ADGRL3: variants seen among roughly 807,000 people sequenced by gnomAD.
The protein encoded by ADGRL3 is calcium-independent alpha-latrotoxin receptor 3.
Under a neutral mutation model 153.5 loss-of-function variants are expected in ADGRL3, and 62 were observed. The ratio of observed to expected loss-of-function variants is 0.40; its 90% CI spans 0.33 to 0.50. The LOEUF is 0.50. Among genes scored for constraint, ADGRL3 ranks in the 20% least tolerant of loss-of-function variants. The pLI is 0.47. For missense variants in ADGRL3, 1,641 were observed against 1,859.4 expected (o/e 0.88, Z 2.16); for synonymous variants, 710 against 672.5 (o/e 1.06, Z -0.86).
rs143046284 is a variant in ADGRL3, at chr4:61,212,904, G to A, written c.-240+11139G>A. Among the ~76,000 whole-genome samples, 10 of 152,084 alleles carry A rather than the reference G, an allele frequency of 6.6e-5. 1 individual carries two copies. Among genetic ancestry groups the A allele is most frequent in the African/African-American group, 1.9e-4 (8 of 41,496 alleles). On this transcript the variant is annotated intron_variant, in intron 1 of 26. Transcript: ENST00000683033. ...TTGCGAGTATTTCTTTTTCTGGTGC[G>A]TTTGATTAAATGTGTGATCTTATCT...
chr4:61,609,641 C>A (rs1258177681), intron 5 of ADGRL3, among the ~76,000 whole-genome samples: 4 of 152,036 alleles, frequency 2.6e-5, no homozygotes, highest in African/African-American at 9.7e-5. Context: ...CCTGAATTTT[C>A]TTTCCTGTAT....
chr4:61,901,794 A>G (rs2098666025), intron 11 of ADGRL3, among the ~76,000 whole-genome samples: 1 of 152,288 alleles, frequency 6.6e-6, no homozygotes, highest in East Asian at 1.9e-4. Context: ...ATTTTTAACT[A>G]AAGCTACTGG....
chr4:61,303,716 G>A (rs1002075152), intron 1 of ADGRL3, among the ~76,000 whole-genome samples: 3 of 152,042 alleles, frequency 2.0e-5, no homozygotes, highest in Non-Finnish European at 2.9e-5. Context: ...TTCCCTCTCA[G>A]GATTTTAAAA....
chr4:61,799,325 A>T (rs1378850679), intron 8 of ADGRL3, among the ~76,000 whole-genome samples: 1 of 152,064 alleles, frequency 6.6e-6, no homozygotes, highest in African/African-American at 2.4e-5. Context: ...AAGACCAGAT[A>T]GTCAATATTT....
chr4:61,509,109 C>T (rs1363180791), intron 3 of ADGRL3, among the ~76,000 whole-genome samples: 1 of 146,586 alleles, frequency 6.8e-6, no homozygotes, highest in African/African-American at 2.5e-5. Flanking sequence ...GCCACAGAGC[C>T]AAACCATATC....
intron 5 of ADGRL3, among the ~76,000 whole-genome samples, chr4:61,609,467 T>C (rs1430269599): frequency 1.3e-5 from 2 of 152,108 alleles, no homozygotes; most frequent in African/African-American, 4.8e-5. Flanking sequence ...TGGCTATTAA[T>C]ATTTAATAGA....
At chr4:61,889,336 G>A (rs2098556816) in intron 9 of ADGRL3, among the ~76,000 whole-genome samples, 1 of 152,192 alleles carries the variant, frequency 6.6e-6, no homozygotes, top group Non-Finnish European at 1.5e-5. Context: ...AGAACAGGGT[G>A]CAGCTGGGGA....
Position 61,517,464 on chromosome 4 carries a change from G to T in ADGRL3, c.205G>T (p.Ala69Ser), listed in dbSNP as rs1010313504. The T allele has an allele frequency of 3.8e-6, 3 of 782,496 alleles. No homozygotes were observed. Among genetic ancestry groups the T allele is most frequent in the Admixed American group, 4.0e-5 (2 of 50,112 alleles). 48.5% of individuals were successfully genotyped at this position (782,496 alleles called of 1,614,324 possible). A position where few individuals can be genotyped will look rare whatever the true frequency, so the allele number is the denominator to read the frequency against. ...AAHRGQGPRGATRGVRGPGAQ... is the reference protein window; with the variant it reads ...AAHRGQGPRGSTRGVRGPGAQ... ...TCATCGTGGACAAGGGCCCCGTGGAGCTACCAGAGGAGTTCGCGGTCCAGG... is the reference window on the plus strand; with the variant it reads ...TCATCGTGGACAAGGGCCCCGTGGATCTACCAGAGGAGTTCGCGGTCCAGG... The change falls in exon 4 of 27, where the codon GCT (alanine) becomes TCT (serine). Residue 69 changes from alanine (A) to serine (S), a missense_variant. By Grantham distance (99) the Ala-to-Ser change is moderately conservative. This residue lies in a region of ADGRL3 where 145 missense variants were observed against 79.1 expected (regional missense o/e 1.83). Coordinates refer to ENST00000683033, the MANE Select transcript of ADGRL3 (RefSeq NM_001387552.1).
intron 5 of ADGRL3, among the ~76,000 whole-genome samples, chr4:61,659,678 T>A (rs1368692360): frequency 2.0e-5 from 3 of 152,140 alleles, no homozygotes; most frequent in Non-Finnish European, 4.4e-5. Context: ...AGGATCTTCA[T>A]TGTTCATACA....
chr4:61,463,901 G>A (rs572962040), intron 2 of ADGRL3, among the ~76,000 whole-genome samples: 1 of 152,256 alleles, frequency 6.6e-6, no homozygotes, highest in South Asian at 2.1e-4. Context: ...TTGAAGGTGT[G>A]TTTGTGCATT....
At chr4:61,241,116 T>C (rs915163709) in intron 1 of ADGRL3, among the ~76,000 whole-genome samples, 1 of 152,060 alleles carries the variant, frequency 6.6e-6, no homozygotes, top group African/African-American at 2.4e-5. Flanking sequence ...TGTGCAGATT[T>C]ATAGCGAAGG....
chr4:62,071,780 C>T lies in ADGRL3; in HGVS notation c.*872C>T, dbSNP rs1246135202. The T allele has an allele frequency of 7.6e-6, 3 of 395,248 alleles. No individual in the cohort carries two copies. Among genetic ancestry groups the T allele is most frequent in the East Asian group, 7.7e-5 (1 of 12,914 alleles). The allele number at this position is 395,248 out of a possible 1,614,324, so 24.5% of individuals were successfully genotyped here. A position where few individuals can be genotyped will look rare whatever the true frequency, so the allele number is the denominator to read the frequency against. On this transcript the variant is annotated 3_prime_UTR_variant, in exon 27 of 27. Transcript: ENST00000683033. ...GCCTTTTATTCCTTTAAAATTTCGC[C>T]TGGCAAAAAATAAATAAATGGAACT...
intron 2 of ADGRL3, among the ~76,000 whole-genome samples, chr4:61,481,478 A>G (rs2098131134): frequency 6.6e-6 from 1 of 152,124 alleles, no homozygotes; most frequent in Non-Finnish European, 1.5e-5. Context: ...TGTTGAGATT[A>G]AAAGAAACAA....
intron 21 of ADGRL3, among the ~76,000 whole-genome samples, chr4:62,015,982 A>G (rs980662150): frequency 1.1e-4 from 16 of 151,936 alleles, no homozygotes; most frequent in Non-Finnish European, 1.6e-4. Context: ...AAATCCTTTT[A>G]AACTAAGAAT....
At chr4:61,660,883 G>T (rs1009472618) in intron 5 of ADGRL3, among the ~76,000 whole-genome samples, 1 of 152,136 alleles carries the variant, frequency 6.6e-6, no homozygotes, top group East Asian at 1.9e-4. Flanking sequence ...AATTAAAAAC[G>T]TTAATTAGAC....
intron 9 of ADGRL3, among the ~76,000 whole-genome samples, chr4:61,830,880 AT>A (rs1435926065): frequency 6.6e-6 from 1 of 151,864 alleles, no homozygotes; most frequent in East Asian, 1.9e-4. Flanking sequence ...TAGCTTTATT[AT>A]TTTGTTTTAT....
At chr4:61,586,308 T>G (rs2098946413) in intron 4 of ADGRL3, among the ~76,000 whole-genome samples, 1 of 152,016 alleles carries the variant, frequency 6.6e-6, no homozygotes, top group Non-Finnish European at 1.5e-5. Flanking sequence ...AGGTTTAGGC[T>G]TCCTTGCAGT....
At chr4:61,406,555 A>G (rs897742992) in intron 2 of ADGRL3, among the ~76,000 whole-genome samples, 2 of 151,832 alleles carry the variant, frequency 1.3e-5, no homozygotes, top group Non-Finnish European at 2.9e-5. Context: ...ATTTTAATAA[A>G]AAACTAAGTG....
intron 1 of ADGRL3, among the ~76,000 whole-genome samples, chr4:61,299,340 A>T (rs566218416): frequency 6.6e-6 from 1 of 152,262 alleles, no homozygotes; most frequent in Non-Finnish European, 1.5e-5. Context: ...GGTTCTCGTT[A>T]TTTTAAATGT....
Sources: allele counts gnomAD v4.1 joint callset (sites outside exome capture counted in the v4.1 genomes callset), GRCh38; gene constraint gnomAD v4.1.1; regional missense constraint gnomAD v4.1.1; transcripts MANE v1.5; gene names NCBI Gene and HGNC (gene_info 2026-07-23, HGNC 2026-07-21).